The following ZNF618 variants were observed in gnomAD, a reference collection of about 807,000 sequenced individuals.
ZNF618 encodes the protein neural precursor cell expressed, developmentally down-regulated 10.
A neutral mutation model predicts 103.0 loss-of-function variants in ZNF618; 34 were observed. That is an observed-to-expected ratio of 0.33 (90% confidence interval 0.25 to 0.44). ZNF618 has a LOEUF of 0.44. Among genes scored for constraint, ZNF618 ranks in the 20% least tolerant of loss-of-function variants. The pLI, the probability that ZNF618 is intolerant of heterozygous loss-of-function variation, is 1.00. For synonymous variants in ZNF618, 551 were observed against 542.2 expected (o/e 1.02, Z -0.23); for missense variants, 1,059 against 1,295.4 (o/e 0.82, Z 2.80).
chr9:113,914,468 A>G (rs1006778016), intron 1 of ZNF618, among the ~76,000 whole-genome samples: 9 of 152,210 alleles, frequency 5.9e-5, no homozygotes, highest in African/African-American at 2.2e-4. Flanking sequence ...GTGGGACTTT[A>G]AAGTTGCCTC....
At chr9:113,944,829 T>C (rs963530372) in intron 1 of ZNF618, among the ~76,000 whole-genome samples, 1 of 152,216 alleles carries the variant, frequency 6.6e-6, no homozygotes, top group African/African-American at 2.4e-5. Context: ...GAAATCAGTG[T>C]GTGTTTTCCT....
chr9:114,050,957 T>G lies in ZNF618; in HGVS notation c.*790T>G, dbSNP rs1846096810. 6.6e-6 allele frequency: 1 copy of G among 152,620 alleles called. No homozygotes were observed. The highest frequency in any genetic ancestry group is 1.5e-5 in the Non-Finnish European group (1 of 68,034). 9.5% of individuals were successfully genotyped at this position (152,620 alleles called of 1,614,324 possible). On this transcript the variant is annotated 3_prime_UTR_variant, in exon 15 of 15. Transcript: ENST00000374126. ...TCTCCCCAAATCAGGAAAGGAGACT[T>G]AAAGAGTATAAAGCTGACATTTTGC... is the stretch of plus-strand genomic sequence containing the variant.
At chr9:113,887,001 A>T (rs1029793067) in intron 1 of ZNF618, among the ~76,000 whole-genome samples, 2 of 112,402 alleles carry the variant, frequency 1.8e-5, no homozygotes, top group Admixed American at 1.2e-4. Context: ...TTTTTTTTTA[A>T]CAATGTGGCT....
At chr9:113,905,154 C>G (rs1830877979) in intron 1 of ZNF618, among the ~76,000 whole-genome samples, 1 of 152,136 alleles carries the variant, frequency 6.6e-6, no homozygotes, top group East Asian at 1.9e-4. Context: ...ACCGTAACCT[C>G]TGCCTCCTGG....
intron 1 of ZNF618, among the ~76,000 whole-genome samples, chr9:113,885,144 T>C (rs1828944778): frequency 6.6e-6 from 1 of 152,014 alleles, no homozygotes; most frequent in Admixed American, 6.6e-5. Context: ...TTGGATGGTG[T>C]CTCTCAGCAG....
chr9:114,051,254 T>A lies in ZNF618; in HGVS notation c.*1087T>A, dbSNP rs2134734237. 1 of 152,768 alleles carries A rather than the reference T, an allele frequency of 6.5e-6. No homozygotes were observed. Among genetic ancestry groups the A allele is most frequent in the Non-Finnish European group, 1.5e-5 (1 of 68,054 alleles). 9.5% of individuals were successfully genotyped at this position (152,768 alleles called of 1,614,324 possible). ...GTGGTGTACTCAGTATCCTACAGTC[T>A]TTCTTGGCCTTCCCTGTACAGTTCA... is the stretch of plus-strand genomic sequence containing the variant. On this transcript the variant is annotated 3_prime_UTR_variant, in exon 15 of 15. Coordinates refer to ENST00000374126, the MANE Select transcript of ZNF618 (RefSeq NM_001318042.2).
intron 12 of ZNF618, chr9:114,035,267 G>GGGCAA (rs1844482294): frequency 1.0e-6 from 1 of 985,584 alleles, no homozygotes; most frequent in African/African-American, 1.7e-5. Context: ...GGGCTGGAGA[G>GGGCAA]GGCAAGGCAG....
In ZNF618 at chr9:114,049,394, A is replaced by G; in HGVS notation, c.2092A>G (p.Thr698Ala). The G allele has an allele frequency of 6.2e-7, 1 of 1,604,122 alleles. No homozygotes were observed. Among genetic ancestry groups the G allele is most frequent in the East Asian group, 2.3e-5 (1 of 44,406 alleles). The change falls in exon 15 of 15, where the codon ACG (threonine) becomes GCG (alanine). Residue 698 changes from threonine to alanine, a missense_variant. Around this residue, in one of 6 missense-constraint regions of ZNF618, gnomAD observed 272 missense variants for 380.1 expected, o/e 0.72. Coordinates refer to ENST00000374126, the MANE Select transcript of ZNF618 (RefSeq NM_001318042.2). ...TSPPPCWNSVTDSLLLVHERY... is the reference protein window; with the variant it reads ...TSPPPCWNSVADSLLLVHERY... ...TCCACCACCCTGCTGGAACTCGGTG[A>G]CGGACTCACTGTTGCTGGTGCATGA...
intron 1 of ZNF618, among the ~76,000 whole-genome samples, chr9:113,892,425 G>T (rs1407994332): frequency 6.6e-6 from 1 of 152,148 alleles, no homozygotes; most frequent in Non-Finnish European, 1.5e-5. Context: ...ATCCAAGGTT[G>T]GTTGAATCCA....
At chr9:113,963,383 G>A (rs1441803507) in intron 1 of ZNF618, among the ~76,000 whole-genome samples, 4 of 152,204 alleles carry the variant, frequency 2.6e-5, no homozygotes, top group Non-Finnish European at 5.9e-5. Flanking sequence ...TAGTTTGAAT[G>A]TAATATTCAA....
chr9:113,974,209 G>GC (rs1466152298), intron 2 of ZNF618, among the ~76,000 whole-genome samples: 1 of 152,206 alleles, frequency 6.6e-6, no homozygotes, highest in Non-Finnish European at 1.5e-5. Context: ...AGACAGTGTT[G>GC]CCTCTCTAAT....
intron 9 of ZNF618, among the ~76,000 whole-genome samples, chr9:114,014,742 A>T (rs1356523860): frequency 6.7e-6 from 1 of 150,080 alleles, no homozygotes; most frequent in Non-Finnish European, 1.5e-5. Flanking sequence ...TTGTTAAAAC[A>T]TGGATTGCAG....
intron 13 of ZNF618, among the ~76,000 whole-genome samples, chr9:114,045,763 A>G (rs2134587540): frequency 6.6e-6 from 1 of 152,036 alleles, no homozygotes; most frequent in African/African-American, 2.4e-5. Context: ...CAACAACAAT[A>G]TGGATTTTGA....
chr9:113,938,467 C>T (rs2132000828), intron 1 of ZNF618, among the ~76,000 whole-genome samples: 1 of 152,172 alleles, frequency 6.6e-6, no homozygotes, highest in South Asian at 2.1e-4. Context: ...TAGGCGTGAG[C>T]CACCACACCC....
intron 1 of ZNF618, among the ~76,000 whole-genome samples, chr9:113,959,773 A>G (rs1836668592): frequency 6.6e-6 from 1 of 151,994 alleles, no homozygotes; most frequent in Admixed American, 6.5e-5. Context: ...ATGCCTGGCT[A>G]ATTTTTTGTA....
chr9:114,035,644 T>G (rs578065704), intron 12 of ZNF618, among the ~76,000 whole-genome samples: 1 of 150,290 alleles, frequency 6.7e-6, no homozygotes, highest in Non-Finnish European at 1.5e-5. Context: ...TCCTCCCTCT[T>G]CTCTGCCAGG....
At chr9:113,930,539 G>A (rs1833488438) in intron 1 of ZNF618, among the ~76,000 whole-genome samples, 1 of 152,138 alleles carries the variant, frequency 6.6e-6, no homozygotes, top group Non-Finnish European at 1.5e-5. Context: ...AAACTCAGAG[G>A]TGTAATTTCT....
chr9:113,919,422 C>T (rs1337982524), intron 1 of ZNF618, among the ~76,000 whole-genome samples: 1 of 152,196 alleles, frequency 6.6e-6, no homozygotes, highest in East Asian at 1.9e-4. Flanking sequence ...GCCACATTGG[C>T]TTTGAGAAAG....
intron 1 of ZNF618, among the ~76,000 whole-genome samples, chr9:113,915,868 C>G (rs1276425869): frequency 6.6e-6 from 1 of 152,148 alleles, no homozygotes; most frequent in Non-Finnish European, 1.5e-5. Context: ...AGGGCACAGC[C>G]TGTGTTTGCT....
Sources: allele counts gnomAD v4.1 joint callset (sites outside exome capture counted in the v4.1 genomes callset), GRCh38; gene constraint gnomAD v4.1.1; regional missense constraint gnomAD v4.1.1; transcripts MANE v1.5; gene names NCBI Gene and HGNC (gene_info 2026-07-23, HGNC 2026-07-21).